The following PDHX variants were observed in gnomAD, a reference collection of about 807,000 sequenced individuals.
PDHX encodes the protein pyruvate dehydrogenase protein X component, mitochondrial.
PDHX carries 33 observed loss-of-function variants against 55.3 expected under a neutral mutation model. The ratio of observed to expected loss-of-function variants is 0.60; its 90% CI spans 0.45 to 0.80. PDHX has a LOEUF of 0.80. PDHX is among the 30% of genes least tolerant of loss of function. The probability of loss-of-function intolerance (pLI) is 0.00; values close to 1 mark genes in which losing one functional copy is unlikely to be tolerated. For synonymous variants in PDHX, 226 were observed against 219.4 expected (o/e 1.03, Z -0.27); for missense variants, 622 against 619.9 (o/e 1.00, Z -0.04).
intron 1 of PDHX, among the ~76,000 whole-genome samples, chr11:34,918,217 G>A (rs1853784757): frequency 6.6e-6 from 1 of 151,762 alleles, no homozygotes; most frequent in Non-Finnish European, 1.5e-5. Context: ...CTGGAAGATT[G>A]CTAGAGCCCA....
intron 3 of PDHX, among the ~76,000 whole-genome samples, chr11:34,952,379 C>T (rs951108596): frequency 6.6e-6 from 1 of 151,982 alleles, no homozygotes; most frequent in African/African-American, 2.4e-5. Context: ...CGGGCAGAGA[C>T]ACAACAAAAA....
At chr11:34,993,610 AT>A (rs1855801421) in intron 10 of PDHX, among the ~76,000 whole-genome samples, 1 of 151,702 alleles carries the variant, frequency 6.6e-6, no homozygotes, top group Non-Finnish European at 1.5e-5. Flanking sequence ...GTTCTGTGCT[AT>A]TTTTTTTCCA....
Position 34,965,419 on chromosome 11 carries a change from T to C in PDHX, c.642-1221T>C, listed in dbSNP as rs189008290. ...TTATCTCTTTACTTCAAGTCTCTTC[T>C]TCCAGGAAGGCCTAATTTCTTTTAA... On this transcript the variant is annotated intron_variant, in intron 5 of 10. Coordinates refer to ENST00000227868, the MANE Select transcript of PDHX (RefSeq NM_003477.3). Among the ~76,000 whole-genome samples the C allele has an allele frequency of 5.0e-3, 761 of 152,330 alleles. 2 individuals carry two copies. Among genetic ancestry groups the C allele is most frequent in the Non-Finnish European group, 7.8e-3 (532 of 68,022 alleles).
intron 3 of PDHX, among the ~76,000 whole-genome samples, chr11:34,956,269 A>G (rs980365931): frequency 2.0e-5 from 3 of 152,122 alleles, no homozygotes; most frequent in Non-Finnish European, 2.9e-5. Context: ...ATCAGTAATT[A>G]GTAAACTTAG....
At chr11:34,988,697 C>T (rs1855701732) in intron 9 of PDHX, among the ~76,000 whole-genome samples, 1 of 152,132 alleles carries the variant, frequency 6.6e-6, no homozygotes, top group Admixed American at 6.6e-5. Flanking sequence ...GGAGTACAAT[C>T]ATTGGTTTTC....
rs1002130011 is a variant in PDHX at position 34,931,622 on chromosome 11, A to G, written c.241+138A>G. ...TTGTGTTCCTTTGGTAGTTAATGTA[A>G]GTTTGGTTGAATAAAATTTTCCCAT... On this transcript the variant is annotated intron_variant, in intron 2 of 10. Transcript: ENST00000227868. 2.0e-5 allele frequency: 13 copies of G among 635,826 alleles called. No homozygotes were observed. The African/African-American group carries it at 2.4e-4, about 12-fold the overall frequency. The allele number at this position is 635,826 out of a possible 1,614,324, so 39.4% of individuals were successfully genotyped here.
At chr11:34,954,069 T>A (rs1164769465) in intron 3 of PDHX, among the ~76,000 whole-genome samples, 3 of 152,208 alleles carry the variant, frequency 2.0e-5, no homozygotes, top group African/African-American at 7.2e-5. Flanking sequence ...ATCAAAACAG[T>A]TCAAAATTGT....
intron 1 of PDHX, among the ~76,000 whole-genome samples, chr11:34,926,458 G>C (rs1375956261): frequency 6.6e-6 from 1 of 152,010 alleles, no homozygotes; most frequent in East Asian, 1.9e-4. Flanking sequence ...TTTTTCATTT[G>C]GTCTATCTTC....
intron 5 of PDHX, 101 bp from the exon 6 acceptor site, chr11:34,966,539 A>G (rs1004417383): frequency 2.8e-6 from 3 of 1,072,322 alleles, no homozygotes; most frequent in South Asian, 1.3e-5. Context: ...TGACATCTGT[A>G]TATTTCTGTA....
rs561646974 is a variant in PDHX, at chr11:34,917,937, A to G, written c.160+1122A>G. Among the ~76,000 whole-genome samples, 15 of 152,288 alleles carry G rather than the reference A, an allele frequency of 9.8e-5. No individual in the cohort carries two copies. In the East Asian group the frequency reaches 2.9e-3, roughly 29 times the overall value. Reference sequence around the variant, plus strand: ...TGGGGCTCAGGAATCTGCATTTTACAAATGTTGGATGAGTTTTGATGTTTT... The same window carrying G: ...TGGGGCTCAGGAATCTGCATTTTACGAATGTTGGATGAGTTTTGATGTTTT... On this transcript the variant is annotated intron_variant, in intron 1 of 10. Coordinates refer to ENST00000227868, the MANE Select transcript of PDHX (RefSeq NM_003477.3).
At chr11:34,994,752 T>C (rs928145456) in intron 10 of PDHX, among the ~76,000 whole-genome samples, 162 bp from the exon 11 acceptor site, 2 of 152,216 alleles carry the variant, frequency 1.3e-5, no homozygotes, top group African/African-American at 4.8e-5. Flanking sequence ...GTGTACACAA[T>C]TAATTTATTT....
rs750868008 is a variant in PDHX at position 34,962,984 on chromosome 11, TC to T, written c.641+2469del. On this transcript the variant is annotated intron_variant, in intron 5 of 10. Coordinates refer to ENST00000227868, the MANE Select transcript of PDHX (RefSeq NM_003477.3). ...TTTCTACCCTGTTACCCTTTTCTCTTCCCTGCCTTTATTCCTTAACTCTCCA... is the reference window on the plus strand; with the variant it reads ...TTTCTACCCTGTTACCCTTTTCTCTTCCTGCCTTTATTCCTTAACTCTCCA... Among the ~76,000 whole-genome samples, 4 of 152,296 alleles carry T rather than the reference TC, an allele frequency of 2.6e-5. No homozygotes were observed. The East Asian group carries it at 7.7e-4, about 29-fold the overall frequency.
At chr11:34,981,843 G>A (rs1360493466) in intron 8 of PDHX, among the ~76,000 whole-genome samples, 2 of 152,144 alleles carry the variant, frequency 1.3e-5, no homozygotes, top group African/African-American at 4.8e-5. Context: ...CTTGTTGATA[G>A]GGTTGTTTGT....
At chr11:34,992,829 A>G (rs915741210) in intron 10 of PDHX, among the ~76,000 whole-genome samples, 9 of 152,118 alleles carry the variant, frequency 5.9e-5, no homozygotes, top group African/African-American at 1.7e-4. Flanking sequence ...CATTCTTATT[A>G]GTGTCTTATA....
rs61752926 is a variant in PDHX at position 34,960,456 on chromosome 11, A to G, written c.579A>G (p.Glu193=). The G allele has an allele frequency of 1.0e-3, 1,628 of 1,613,554 alleles. 4 individuals are homozygous for G. Among genetic ancestry groups the G allele is most frequent in the Non-Finnish European group, 1.3e-3 (1,513 of 1,179,624 alleles). ...GTCCAGCTGCCCGCAATATTCTGGAAAAACACTCACTGGATGCTAGCCAGG... is the reference window on the plus strand; with the variant it reads ...GTCCAGCTGCCCGCAATATTCTGGAGAAACACTCACTGGATGCTAGCCAGG... ...RLSPAARNIL[E]KHSLDASQGT... is the part of the protein sequence containing the mutation. The change falls in exon 5 of 11, where the codon GAA becomes GAG. Residue 193 remains glutamate (E), a synonymous_variant. Transcript: ENST00000227868.
intron 2 of PDHX, among the ~76,000 whole-genome samples, chr11:34,947,231 T>G (rs1854641346): frequency 6.6e-6 from 1 of 152,172 alleles, no homozygotes; most frequent in African/African-American, 2.4e-5. Context: ...TTAAGGTTGA[T>G]TTCATTTTTA....
intron 2 of PDHX, among the ~76,000 whole-genome samples, chr11:34,946,422 A>G (rs1055332932): frequency 4.0e-4 from 61 of 152,284 alleles, no homozygotes; most frequent in African/African-American, 1.3e-3. Context: ...TGTTACAATT[A>G]CTGATTTTGT....
In PDHX at chr11:34,957,381, T is replaced by C. The variant is rs368403517; in HGVS notation, c.343-3T>C. 7 of 1,572,574 alleles carry C rather than the reference T, an allele frequency of 4.5e-6. No homozygotes were observed. Among genetic ancestry groups the C allele is most frequent in the Non-Finnish European group, 6.1e-6 (7 of 1,142,246 alleles). ...TCTACAGTTACTTCTTTTTTAAATA[T>C]AGGTTGAAGAAGGAAGTAAAAATAT... On this transcript the variant is annotated splice_polypyrimidine_tract_variant and splice_region_variant and intron_variant, in intron 3 of 10. Transcript: ENST00000227868.
chr11:34,966,523 T>A, intron 5 of PDHX, 117 bp from the exon 6 acceptor site: 1 of 959,572 alleles, frequency 1.0e-6, no homozygotes, highest in South Asian at 1.3e-5. Context: ...TTTTTAATTA[T>A]AACCTTGACA....
Sources: allele counts gnomAD v4.1 joint callset (sites outside exome capture counted in the v4.1 genomes callset), GRCh38; gene constraint gnomAD v4.1.1; transcripts MANE v1.5; gene names NCBI Gene and HGNC (gene_info 2026-07-23, HGNC 2026-07-21).